Variants in GPRASP3 observed in about 807,000 individuals in gnomAD.
GPRASP3 encodes G protein-coupled receptor associated sorting protein family member 3.
the GPRASP3 span, chrX:102,745,872 A>C: frequency 5.4e-5 from 6 of 111,571 alleles, no homozygotes; most frequent in Non-Finnish European, 9.4e-5. Flanking sequence ...CCGCAGGCCC[A>C]GGCTGGGGCT....
At chrX:102,732,711 T>G in the GPRASP3 span, among the ~76,000 whole-genome samples, 8 of 112,475 alleles carry the variant, frequency 7.1e-5, no homozygotes, top group Admixed American at 1.9e-4. Context: ...TTAGCCTGAT[T>G]ATTTGCATAA....
chrX:102,739,538 C>T, the GPRASP3 span, among the ~76,000 whole-genome samples: 1 of 111,437 alleles, frequency 9.0e-6, no homozygotes, highest in Non-Finnish European at 1.9e-5. Flanking sequence ...AACATAAAGC[C>T]GTAACCTCTG....
At chrX:102,722,774 G>A in the GPRASP3 span, among the ~76,000 whole-genome samples, 1 of 111,807 alleles carries the variant, frequency 8.9e-6, no homozygotes, top group African/African-American at 3.3e-5. Flanking sequence ...AATAGCAAGG[G>A]TTCTAGGAGC....
the GPRASP3 span, chrX:102,747,586 A>G: frequency 8.9e-6 from 1 of 112,009 alleles, no homozygotes; most frequent in East Asian, 2.8e-4. Flanking sequence ...TTGGTTCAGG[A>G]AAGGAGCTGT....
the GPRASP3 span, among the ~76,000 whole-genome samples, chrX:102,735,364 C>A: frequency 9.0e-6 from 1 of 110,917 alleles, no homozygotes; most frequent in Non-Finnish European, 1.9e-5. Flanking sequence ...CTGTATAATA[C>A]CCCTTTAACT....
At chrX:102,746,048 G>A in the GPRASP3 span, 1 of 112,218 alleles carries the variant, frequency 8.9e-6, no homozygotes, top group Non-Finnish European at 1.9e-5. Flanking sequence ...GCAGAGGCGT[G>A]GGGGGCGGGA....
At chrX:102,731,773 G>A in the GPRASP3 span, among the ~76,000 whole-genome samples, 4 of 111,683 alleles carry the variant, frequency 3.6e-5, no homozygotes, top group African/African-American at 6.5e-5. Context: ...TGATTCCTCC[G>A]TTAGTGTGGG....
chrX:102,741,280 C>T, the GPRASP3 span, among the ~76,000 whole-genome samples: 6 of 112,313 alleles, frequency 5.3e-5, no homozygotes, highest in Non-Finnish European at 1.1e-4. Context: ...TGTTTAATCT[C>T]GATCCTAGGA....
chrX:102,752,184 G>T, the GPRASP3 span: 2 of 122,759 alleles, frequency 1.6e-5, no homozygotes, highest in African/African-American at 6.5e-5. Flanking sequence ...AGTGATTCTT[G>T]GAAGTTGGTA....
chrX:102,744,241 T>C, the GPRASP3 span, among the ~76,000 whole-genome samples: 5 of 112,590 alleles, frequency 4.4e-5, no homozygotes, highest in South Asian at 1.8e-3. Flanking sequence ...AAAGGTGGTT[T>C]CATTTACATT....
At chrX:102,721,688 T>A in the GPRASP3 span, among the ~76,000 whole-genome samples, 1 of 111,374 alleles carries the variant, frequency 9.0e-6, no homozygotes, top group Admixed American at 9.5e-5. Context: ...GGGTTGCTAC[T>A]CCGTGTGAGC....
At chrX:102,731,369 A>G in the GPRASP3 span, among the ~76,000 whole-genome samples, 1 of 112,458 alleles carries the variant, frequency 8.9e-6, no homozygotes, top group South Asian at 3.7e-4. Context: ...CACGCCTGTA[A>G]TCCCAGCACT....
At chrX:102,733,445 A>G in the GPRASP3 span, among the ~76,000 whole-genome samples, 1 of 104,113 alleles carries the variant, frequency 9.6e-6, no homozygotes, top group Admixed American at 1.0e-4. Flanking sequence ...GGCAACAAAG[A>G]GCGAAACTCC....
At chrX:102,730,520 C>A in the GPRASP3 span, among the ~76,000 whole-genome samples, 2 of 111,916 alleles carry the variant, frequency 1.8e-5, no homozygotes, top group Admixed American at 9.4e-5. Flanking sequence ...GTTTATTTTG[C>A]CAAGGTGAAG....
the GPRASP3 span, among the ~76,000 whole-genome samples, chrX:102,723,951 C>G: frequency 8.9e-6 from 1 of 111,920 alleles, no homozygotes; most frequent in East Asian, 2.8e-4. Flanking sequence ...GTGGTGTACC[C>G]TGACTCCATA....
chrX:102,722,853 A>G, the GPRASP3 span, among the ~76,000 whole-genome samples: 3 of 111,799 alleles, frequency 2.7e-5, no homozygotes, highest in South Asian at 3.8e-4. Flanking sequence ...GGGATGGGGT[A>G]TAAAAAGGAG....
chrX:102,727,158 T>A, the GPRASP3 span, among the ~76,000 whole-genome samples: 17,853 of 111,901 alleles, frequency 0.16, 1,524 homozygotes, highest in African/African-American at 0.33. Flanking sequence ...AATTATCCAA[T>A]GATTGTAAGT....
the GPRASP3 span, among the ~76,000 whole-genome samples, chrX:102,733,414 A>G: frequency 9.4e-6 from 1 of 105,957 alleles, no homozygotes; most frequent in African/African-American, 3.5e-5. Flanking sequence ...AGCCGAGATC[A>G]CACCACTGCA....
the GPRASP3 span, among the ~76,000 whole-genome samples, chrX:102,727,287 TACA>T: frequency 8.9e-6 from 1 of 112,353 alleles, no homozygotes; most frequent in African/African-American, 3.2e-5. Flanking sequence ...GCTTGATGGC[TACA>T]ACAATTCCAG....
Sources: gnomAD v4.1 joint callset for allele counts (sites outside exome capture counted in the v4.1 genomes callset) on GRCh38, gnomAD v4.1.1 for gene constraint, MANE v1.5 for transcripts, NCBI Gene and HGNC (gene_info 2026-07-23, HGNC 2026-07-21) for gene names.